MYBL2: variants seen among roughly 807,000 people sequenced by gnomAD.
MYBL2 encodes the protein myb-related protein B.
Under a neutral mutation model 79.9 loss-of-function variants are expected in MYBL2, and 28 were observed. The ratio of observed to expected loss-of-function variants is 0.35; its 90% CI spans 0.26 to 0.48. The LOEUF is 0.48. Among genes scored for constraint, MYBL2 ranks in the 20% least tolerant of loss-of-function variants. The pLI is 0.99. For synonymous variants in MYBL2, 378 were observed against 361.2 expected (o/e 1.05, Z -0.53); for missense variants, 735 against 893.9 (o/e 0.82, Z 2.27).
At chr20:43,697,848 G>C (rs1191869025) in intron 6 of MYBL2, among the ~76,000 whole-genome samples, 3 of 151,304 alleles carry the variant, frequency 2.0e-5, no homozygotes, top group South Asian at 4.2e-4. Flanking sequence ...CTGGGAGGTG[G>C]AGCTTGCAGT....
intron 3 of MYBL2, 116 bp from the exon 4 acceptor site, chr20:43,682,678 C>A: frequency 1.1e-6 from 1 of 870,516 alleles, no homozygotes; most frequent in Non-Finnish European, 1.9e-6. Flanking sequence ...GACACACCTA[C>A]CCAAGGTGTG....
chr20:43,673,092 C>T (rs1986906322), intron 1 of MYBL2, among the ~76,000 whole-genome samples: 1 of 151,866 alleles, frequency 6.6e-6, no homozygotes. Flanking sequence ...TACAGGCATG[C>T]GCCACCGCAC....
chr20:43,708,238 C>T (rs1987832624), intron 9 of MYBL2, among the ~76,000 whole-genome samples: 1 of 151,968 alleles, frequency 6.6e-6, no homozygotes, highest in African/African-American at 2.4e-5. Flanking sequence ...TAGCTGAGAA[C>T]ACAGGTGTGC....
chr20:43,688,603 C>CT (rs1987334151), intron 5 of MYBL2, among the ~76,000 whole-genome samples: 1 of 152,130 alleles, frequency 6.6e-6, no homozygotes, highest in African/African-American at 2.4e-5. Context: ...CTGCCTCAGC[C>CT]TTCCAAGGAC....
intron 5 of MYBL2, among the ~76,000 whole-genome samples, chr20:43,691,316 T>C (rs1172979523): frequency 1.3e-5 from 2 of 152,122 alleles, no homozygotes; most frequent in African/African-American, 4.8e-5. Flanking sequence ...TTTAAAATTT[T>C]TTTTTTCATT....
intron 6 of MYBL2, among the ~76,000 whole-genome samples, chr20:43,698,881 A>T (rs1341980549): frequency 8.5e-6 from 1 of 118,134 alleles, no homozygotes; most frequent in African/African-American, 3.3e-5. Context: ...TGTGTTGCCC[A>T]GGCTGGAGTG....
chr20:43,691,395 C>T (rs1048639424), intron 5 of MYBL2, among the ~76,000 whole-genome samples: 1 of 152,114 alleles, frequency 6.6e-6, no homozygotes, highest in African/African-American at 2.4e-5. Flanking sequence ...AATCTCGGCT[C>T]ATCACAACCT....
chr20:43,704,125 T>C (rs1987729705), intron 8 of MYBL2, among the ~76,000 whole-genome samples: 1 of 152,100 alleles, frequency 6.6e-6, no homozygotes, highest in Non-Finnish European at 1.5e-5. Context: ...GGAATTTTCC[T>C]GCCTCAGGCT....
intron 1 of MYBL2, among the ~76,000 whole-genome samples, chr20:43,668,303 C>T (rs948135810): frequency 2.7e-5 from 4 of 146,604 alleles, no homozygotes; most frequent in Non-Finnish European, 4.5e-5. Context: ...CAGGTTCAAG[C>T]GATTCTCCTG....
intron 9 of MYBL2, 103 bp downstream of exon 9, chr20:43,705,461 G>A (rs1241805767): frequency 7.6e-7 from 1 of 1,320,938 alleles, no homozygotes; most frequent in Non-Finnish European, 1.0e-6. Flanking sequence ...GGGCACCCTT[G>A]GAATAACACT....
Position 43,678,766 on chromosome 20 carries a change from G to A in MYBL2, c.115-3018G>A, listed in dbSNP as rs1175780476. On this transcript the variant is annotated intron_variant, in intron 2 of 13. Coordinates refer to ENST00000217026, the MANE Select transcript of MYBL2 (RefSeq NM_002466.4). ...CCAGCAATTTGGGAGGCTGAGGCAG[G>A]AGAATCACTTGAACCCAGAGGCGGA... Among the ~76,000 whole-genome samples, 3 of 150,346 alleles carry A rather than the reference G, an allele frequency of 2.0e-5. No homozygotes were observed. The Admixed American group carries it at 2.0e-4, about 10-fold the overall frequency.
chr20:43,716,250 C>A lies in MYBL2; in HGVS notation c.*163C>A. On this transcript the variant is annotated 3_prime_UTR_variant, in exon 14 of 14. Coordinates refer to ENST00000217026, the MANE Select transcript of MYBL2 (RefSeq NM_002466.4). Reference sequence around the variant, plus strand: ...GGAGGCAACAGGGCCATGTGCTGCCCTGTTGCCGAGCCCAGCTGTGGGCGG... The same window carrying A: ...GGAGGCAACAGGGCCATGTGCTGCCATGTTGCCGAGCCCAGCTGTGGGCGG... The A allele has an allele frequency of 9.6e-7, 1 of 1,045,600 alleles. No homozygotes were observed. The highest frequency in any genetic ancestry group is 3.2e-5 in the Admixed American group (1 of 30,918). 64.8% of individuals were successfully genotyped at this position (1,045,600 alleles called of 1,614,324 possible).
At position 43,700,013 on chromosome 20, in the gene MYBL2, G is replaced by T. The variant is rs1987645138; in HGVS notation, c.920G>T (p.Ser307Ile). 6.2e-7 allele frequency: 1 copy of T among 1,613,912 alleles called. No homozygotes were observed. Among genetic ancestry groups the T allele is most frequent in the African/African-American group, 1.3e-5 (1 of 74,916 alleles). ...ANLLIPAVGS[S>I]LSEALDLIES... ...CTCCTCATCCCTGCTGTGGGTTCTA[G>T]CCTCTCTGAAGCCCTGGACTTGATC... The change falls in exon 7 of 14, where the codon AGC (serine) becomes ATC (isoleucine). Residue 307 changes from serine to isoleucine, a missense_variant. Ser to Ile is a moderately radical substitution (Grantham distance 142). This residue lies in a region of MYBL2 where 243 missense variants were observed against 327.2 expected (regional missense o/e 0.74). Coordinates refer to ENST00000217026, the MANE Select transcript of MYBL2 (RefSeq NM_002466.4).
At chr20:43,687,503 T>G (rs996670576) in intron 5 of MYBL2, among the ~76,000 whole-genome samples, 2 of 152,224 alleles carry the variant, frequency 1.3e-5, no homozygotes, top group African/African-American at 2.4e-5. Context: ...TTTTTGTTTT[T>G]CTTTTTCTTA....
At chr20:43,712,500 G>C (rs1987929830) in intron 11 of MYBL2, among the ~76,000 whole-genome samples, 1 of 152,170 alleles carries the variant, frequency 6.6e-6, no homozygotes, top group African/African-American at 2.4e-5. Context: ...GACTCTCAGA[G>C]CCGCTCCCTG....
intron 1 of MYBL2, among the ~76,000 whole-genome samples, chr20:43,673,037 G>C (rs1420990606): frequency 6.6e-6 from 1 of 152,052 alleles, no homozygotes; most frequent in African/African-American, 2.4e-5. Flanking sequence ...TTCACCTCCC[G>C]GGTTCAAGCA....
chr20:43,670,431 A>AT (rs1369008130), intron 1 of MYBL2, among the ~76,000 whole-genome samples: 2 of 151,684 alleles, frequency 1.3e-5, no homozygotes, highest in African/African-American at 2.4e-5. Context: ...ATTTCTGAAA[A>AT]TTTTTTTCTT....
At chr20:43,688,136 A>G (rs982413226) in intron 5 of MYBL2, among the ~76,000 whole-genome samples, 7 of 147,678 alleles carry the variant, frequency 4.7e-5, no homozygotes, top group Admixed American at 4.7e-4. Context: ...TTTTGAAATT[A>G]TTTTCCCTAA....
At position 43,702,692 on chromosome 20, in the gene MYBL2, G is replaced by A. The variant is rs370447490; in HGVS notation, c.1154G>A (p.Ser385Asn). The A allele has an allele frequency of 1.0e-4, 166 of 1,613,486 alleles. No homozygotes were observed. The Middle Eastern group carries it at 1.5e-3, about 14-fold the overall frequency. The change falls in exon 8 of 14, where the codon AGC (serine) becomes AAC (asparagine). Residue 385 changes from serine to asparagine, a missense_variant. Around this residue, in one of 5 missense-constraint regions of MYBL2, gnomAD observed 243 missense variants for 327.2 expected, o/e 0.74. Transcript: ENST00000217026. Reference protein sequence around the residue: ...GHTISDLSRSSRGELIPISPS... With the variant: ...GHTISDLSRSNRGELIPISPS... ...ACCATCTCAGACCTGAGCCGGAGCA[G>A]CCGGGGCGAGCTGATCCCCATCTCC...
Sources: allele counts gnomAD v4.1 joint callset (sites outside exome capture counted in the v4.1 genomes callset), GRCh38; gene constraint gnomAD v4.1.1; regional missense constraint gnomAD v4.1.1; transcripts MANE v1.5; gene names NCBI Gene and HGNC (gene_info 2026-07-23, HGNC 2026-07-21).